Variants in TASOR2 observed in about 807,000 individuals in gnomAD.
TASOR2 encodes the protein protein TASOR 2.
Under a neutral mutation model 199.5 loss-of-function variants are expected in TASOR2, and 84 were observed. The observed-to-expected ratio is 0.42, with a 90% CI of 0.35 to 0.50. TASOR2 has a LOEUF of 0.50. TASOR2 is among the 20% of genes least tolerant of loss of function. The pLI is 0.02. For synonymous variants in TASOR2, 1,103 were observed against 1,046.6 expected (o/e 1.05, Z -1.04); for missense variants, 2,796 against 2,835.9 (o/e 0.99, Z 0.32).
chr10:5,727,786 C>T (rs1224141795), intron 10 of TASOR2, among the ~76,000 whole-genome samples: 2 of 152,158 alleles, frequency 1.3e-5, no homozygotes, highest in African/African-American at 2.4e-5. Context: ...CCTTAGACTC[C>T]TATGCTTATT....
At position 5,720,409 on chromosome 10, in the gene TASOR2, T is replaced by G; in HGVS notation, c.-99-135T>G. The G allele has an allele frequency of 2.2e-6, 3 of 1,389,956 alleles. No individual in the cohort carries two copies. In the Admixed American group the frequency reaches 9.8e-5, roughly 45 times the overall value. 86.1% of individuals were successfully genotyped at this position (1,389,956 alleles called of 1,614,324 possible). On this transcript the variant is annotated intron_variant, in intron 3 of 20. Coordinates refer to ENST00000328090, the Ensembl canonical transcript of TASOR2. This position sits in a 1 kb window ranked among gnomAD's most constrained non-coding sequence, Gnocchi z 5.3. Reference sequence around the variant, plus strand: ...TTGAACTGAGTCAGGTATAGTTACCTGTGAATGAGTAACACCCAAGATATA... The same window carrying G: ...TTGAACTGAGTCAGGTATAGTTACCGGTGAATGAGTAACACCCAAGATATA...
At chr10:5,731,098 T>C in exon 11 of TASOR2, 1 of 1,613,798 alleles carries the variant, frequency 6.2e-7, no homozygotes, top group Non-Finnish European at 8.5e-7. Flanking sequence ...GGTGAACTTG[T>C]GCCGCCCCTT....
At chr10:5,715,577 T>C (rs145367363) in intron 2 of TASOR2, among the ~76,000 whole-genome samples, 48 of 152,312 alleles carry the variant, frequency 3.2e-4, no homozygotes, top group African/African-American at 1.1e-3. Context: ...TATGATTGAA[T>C]AATACAGTCC....
At chr10:5,758,288 C>T (rs1387976850) in intron 17 of TASOR2, among the ~76,000 whole-genome samples, 1 of 152,164 alleles carries the variant, frequency 6.6e-6, no homozygotes, top group African/African-American at 2.4e-5. Flanking sequence ...CGTCTGTAAT[C>T]CCAACACTTT....
At chr10:5,726,556 C>G (rs2131584768) in intron 8 of TASOR2, among the ~76,000 whole-genome samples, 1 of 152,270 alleles carries the variant, frequency 6.6e-6, no homozygotes, top group Middle Eastern at 3.4e-3. Flanking sequence ...TACATGGTAA[C>G]ATATTGGCTG....
intron 18 of TASOR2, among the ~76,000 whole-genome samples, chr10:5,760,208 C>T (rs1008429265): frequency 6.6e-6 from 1 of 152,176 alleles, no homozygotes. Context: ...ATGGTGGTAT[C>T]TGTGTGTCTA....
At chr10:5,691,625 C>T (rs1836436090) in intron 1 of TASOR2, among the ~76,000 whole-genome samples, 1 of 152,136 alleles carries the variant, frequency 6.6e-6, no homozygotes, top group Admixed American at 6.5e-5. Context: ...CTATACAACA[C>T]ACTAATGGTA....
At chr10:5,728,927 T>A (rs540982741) in intron 10 of TASOR2, among the ~76,000 whole-genome samples, 2,075 of 152,284 alleles carry the variant, frequency 0.014, 49 homozygotes, top group African/African-American at 0.048. Context: ...TTATTTTTGT[T>A]TTTTAGTTGT....
chr10:5,748,740 C>T lies in TASOR2; in HGVS notation c.5319C>T (p.Ala1773=). 2 of 1,614,150 alleles carry T rather than the reference C, an allele frequency of 1.2e-6. No homozygotes were observed. The highest frequency in any genetic ancestry group is 8.5e-7 in the Non-Finnish European group (1 of 1,180,028). The stretch of plus-strand genomic sequence containing the variant: ...AAAACCTCAGTAAAGAGCCTTTGGC[C>T]TCCTTTGTTTCAGAATCCTTTGATA... Residue 1773 remains alanine (A), a synonymous_variant, in exon 15 of 21, where the codon GCC becomes GCT. Coordinates refer to ENST00000328090, the Ensembl canonical transcript of TASOR2. The surrounding 1 kb of genome is among the most constrained non-coding windows in gnomAD (Gnocchi z 5.1).
At position 5,730,378 on chromosome 10, in the gene TASOR2, T is replaced by G; in HGVS notation, c.488-109T>G. The stretch of plus-strand genomic sequence containing the variant: ...ATTTAGGTTGTCATTTGAAATACTA[T>G]AACATATTTAACCATCACATAATTT... On this transcript the variant is annotated intron_variant, in intron 10 of 20. Transcript: ENST00000328090. The surrounding 1 kb of genome is among the most constrained non-coding windows in gnomAD (Gnocchi z 4.1). 1.2e-6 allele frequency: 1 copy of G among 802,030 alleles called. No homozygotes were observed. Among genetic ancestry groups the G allele is most frequent in the South Asian group, 1.9e-5 (1 of 51,608 alleles). The allele number at this position is 802,030 out of a possible 1,614,324, so 49.7% of individuals were successfully genotyped here.
At chr10:5,702,656 TTTTTTG>T (rs1210492773) in intron 1 of TASOR2, among the ~76,000 whole-genome samples, 3,452 of 142,180 alleles carry the variant, frequency 0.024, 87 homozygotes, top group African/African-American at 0.091. Context: ...TTTTTTTTTT[TTTTTTG>T]GTAAGTAAGG....
Position 5,742,012 on chromosome 10 carries a change from A to G in TASOR2, c.2328-85A>G, listed in dbSNP as rs558877204. On this transcript the variant is annotated intron_variant, in intron 13 of 20. Coordinates refer to ENST00000328090, the Ensembl canonical transcript of TASOR2. The surrounding 1 kb of genome is among the most constrained non-coding windows in gnomAD (Gnocchi z 4.2). ...AAAATAAAAACAAAAACTAAGGAAT[A>G]TTGGAGGCACTTGCTTATGATAAGG... 1.0e-5 allele frequency: 13 copies of G among 1,271,504 alleles called. No individual in the cohort carries two copies. The African/African-American group carries it at 2.0e-4, about 19-fold the overall frequency. 78.8% of individuals were successfully genotyped at this position (1,271,504 alleles called of 1,614,324 possible).
chr10:5,763,657 T>C (rs1840209358), exon 21 of TASOR2: 1 of 151,860 alleles, frequency 6.6e-6, no homozygotes, highest in South Asian at 2.1e-4. Flanking sequence ...CAAAAAACAT[T>C]TGTAAGATAC....
Position 5,710,852 on chromosome 10 carries a change from G to T in TASOR2, c.-287-1971G>T, listed in dbSNP as rs1268534758. On this transcript the variant is annotated intron_variant, in intron 1 of 20. Coordinates refer to ENST00000328090, the Ensembl canonical transcript of TASOR2. This position sits in a 1 kb window ranked among gnomAD's most constrained non-coding sequence, Gnocchi z 4.6. ...CAAATATAAAGTTCCCAAAATTATTGTTTCTAAAGAAATCTTGATTTGTGT... is the reference window on the plus strand; with the variant it reads ...CAAATATAAAGTTCCCAAAATTATTTTTTCTAAAGAAATCTTGATTTGTGT... 1.3e-5 allele frequency among the ~76,000 whole-genome samples: 2 copies of T among 151,870 alleles called. No homozygotes were observed. Among genetic ancestry groups the T allele is most frequent in the Non-Finnish European group, 2.9e-5 (2 of 67,912 alleles).
chr10:5,760,113 A>G (rs542330100), intron 18 of TASOR2, among the ~76,000 whole-genome samples: 64 of 152,348 alleles, frequency 4.2e-4, no homozygotes, highest in African/African-American at 1.5e-3. Flanking sequence ...GAGTGTACTT[A>G]CACAAACTGA....
In TASOR2 at chr10:5,699,032, T is replaced by C. The variant is rs144590703; in HGVS notation, c.-287-13791T>C. Among the ~76,000 whole-genome samples the C allele has an allele frequency of 1.8e-3, 270 of 152,306 alleles. 1 individual carries two copies. Among genetic ancestry groups the C allele is most frequent in the African/African-American group, 6.2e-3 (257 of 41,582 alleles). On this transcript the variant is annotated intron_variant, in intron 1 of 20. Transcript: ENST00000328090. This position sits in a 1 kb window ranked among gnomAD's most constrained non-coding sequence, Gnocchi z 4.1. The stretch of plus-strand genomic sequence containing the variant: ...GTTCACATAAAAACTTATACATGAA[T>C]GCTCATAGCATAATTATTCATAATA...
At chr10:5,749,214 A>T (rs755619130) in exon 15 of TASOR2, 1 of 1,614,130 alleles carries the variant, frequency 6.2e-7, no homozygotes, top group South Asian at 1.1e-5. Context: ...TCTCTATAAC[A>T]AAAGAACTCA....
chr10:5,694,657 G>A (rs991056307), intron 1 of TASOR2, among the ~76,000 whole-genome samples: 1 of 152,124 alleles, frequency 6.6e-6, no homozygotes, highest in African/African-American at 2.4e-5. Context: ...TTCTTTGGGG[G>A]CATCTTAATT....
exon 15 of TASOR2, chr10:5,749,121 T>C: frequency 6.2e-7 from 1 of 1,614,010 alleles, no homozygotes; most frequent in Non-Finnish European, 8.5e-7. Flanking sequence ...ACTGGACTGC[T>C]GCGGTAAAGA....
Sources: gnomAD v4.1 joint callset for allele counts (sites outside exome capture counted in the v4.1 genomes callset) on GRCh38, gnomAD v4.1.1 for gene constraint, Gnocchi (gnomAD v3.1) non-coding constraint, MANE v1.5 for transcripts, NCBI Gene and HGNC (gene_info 2026-07-23, HGNC 2026-07-21) for gene names.